The following PRPF39 variants were observed in gnomAD, a reference collection of about 807,000 sequenced individuals.
The protein encoded by PRPF39 is pre-mRNA processing factor 39.
In PRPF39, 27 loss-of-function variants were observed where a neutral mutation model predicts 82.1. The ratio of observed to expected loss-of-function variants is 0.33; its 90% CI spans 0.24 to 0.45. The LOEUF (loss-of-function observed/expected upper bound fraction) is 0.45, where lower values mean the gene tolerates loss of function less well. Ranked by LOEUF, PRPF39 falls within the 20% of genes least tolerant of loss-of-function variation. The pLI is 1.00. For missense variants in PRPF39, 581 were observed against 796.9 expected, an observed-to-expected ratio of 0.73 and a Z score of 3.26; for synonymous variants, 261 against 256.4, an observed-to-expected ratio of 1.02 and a Z score of -0.17.
intron 1 of PRPF39, among the ~76,000 whole-genome samples, chr14:45,092,207 T>C (rs1392364760): frequency 1.3e-5 from 2 of 152,178 alleles, no homozygotes; most frequent in Non-Finnish European, 2.9e-5. Context: ...TTGAATGAAA[T>C]CAGTATTTTA....
Position 45,110,697 on chromosome 14 carries a change from T to A in PRPF39, c.1452T>A (p.Asn484Lys), listed in dbSNP as rs1884672549. 3 of 1,571,610 alleles carry A rather than the reference T, an allele frequency of 1.9e-6. No individual in the cohort carries two copies. The highest frequency in any genetic ancestry group is 1.9e-5 in the Admixed American group (1 of 53,560). ...AEHLLQDAIKNAKSNNESSFY... is the reference protein window; with the variant it reads ...AEHLLQDAIKKAKSNNESSFY... ...ATTTGCTTCAGGATGCCATTAAGAA[T>A]GCCAAATCAAATAATGAATCTTCAT... is the stretch of plus-strand genomic sequence containing the variant. Residue 484 changes from asparagine (N) to lysine (K), a missense_variant, in exon 10 of 14, where the codon AAT becomes AAA. Asn to Lys is a moderately conservative substitution (Grantham distance 94). Coordinates refer to ENST00000355765, the MANE Select transcript of PRPF39 (RefSeq NM_017922.4). This position sits in a 1 kb window ranked among gnomAD's most constrained non-coding sequence, Gnocchi z 4.0.
intron 4 of PRPF39, among the ~76,000 whole-genome samples, chr14:45,098,669 A>T (rs2139048264): frequency 6.6e-6 from 1 of 152,296 alleles, no homozygotes; most frequent in East Asian, 1.9e-4. Context: ...CTGTTAAAAA[A>T]TGTGTAAGTC....
chr14:45,113,402 A>G (rs1037285377), intron 11 of PRPF39, among the ~76,000 whole-genome samples: 13 of 152,194 alleles, frequency 8.5e-5, no homozygotes, highest in Non-Finnish European at 1.9e-4. Context: ...CTCTTAATAG[A>G]TGAGAGGATT....
Position 45,116,208 on chromosome 14 carries a change from T to G in PRPF39, c.*1295T>G. ...TGAAGCACTGCTATTTCAATCAATA[T>G]CCACTAATTCCACTTCAAAAGTGAG... is the stretch of plus-strand genomic sequence containing the variant. On this transcript the variant is annotated 3_prime_UTR_variant, in exon 14 of 14. Transcript: ENST00000355765. 1 of 1,610,426 alleles carries G rather than the reference T, an allele frequency of 6.2e-7. No homozygotes were observed. The highest frequency in any genetic ancestry group is 8.5e-7 in the Non-Finnish European group (1 of 1,176,766).
At chr14:45,114,380 A>G in intron 12 of PRPF39, 114 bp from the exon 13 acceptor site, 2 of 1,341,266 alleles carry the variant, frequency 1.5e-6, no homozygotes, top group Non-Finnish European at 2.0e-6. Context: ...GATTTGAAAA[A>G]GTCTTGAGTG....
chr14:45,098,358 G>C (rs1044117036), intron 4 of PRPF39, among the ~76,000 whole-genome samples: 2 of 151,562 alleles, frequency 1.3e-5, no homozygotes, highest in Non-Finnish European at 2.9e-5. Context: ...CAAGAGAATC[G>C]CTTGAACCTG....
intron 7 of PRPF39, among the ~76,000 whole-genome samples, chr14:45,108,893 G>T (rs1884619231): frequency 6.6e-6 from 1 of 151,416 alleles, no homozygotes; most frequent in East Asian, 1.9e-4. Context: ...GGTTTTTTTT[G>T]ACTGCTTTAC....
At chr14:45,105,675 C>T (rs756727506) in intron 5 of PRPF39, among the ~76,000 whole-genome samples, 5 of 151,530 alleles carry the variant, frequency 3.3e-5, no homozygotes, top group African/African-American at 7.3e-5. Context: ...TACAGGTGCC[C>T]GCCCCGACAC....
In PRPF39 at chr14:45,115,915, T is replaced by A; in HGVS notation, c.*1002T>A. On this transcript the variant is annotated 3_prime_UTR_variant, in exon 14 of 14. Coordinates refer to ENST00000355765, the MANE Select transcript of PRPF39 (RefSeq NM_017922.4). ...ATCACAGTCAGATCAAGACAGTGGATCAATTTTTATTGAGCCACTTAAGTT... is the reference window on the plus strand; with the variant it reads ...ATCACAGTCAGATCAAGACAGTGGAACAATTTTTATTGAGCCACTTAAGTT... 1 of 352,448 alleles carries A rather than the reference T, an allele frequency of 2.8e-6. No homozygotes were observed. The highest frequency in any genetic ancestry group is 5.4e-6 in the Non-Finnish European group (1 of 185,726). The allele number at this position is 352,448 out of a possible 1,614,324, so 21.8% of individuals were successfully genotyped here. A position where few individuals can be genotyped will look rare whatever the true frequency, so the allele number is the denominator to read the frequency against.
chr14:45,108,315 A>G (rs1884601866), intron 6 of PRPF39, 100 bp from the exon 7 acceptor site: 2 of 1,309,724 alleles, frequency 1.5e-6, no homozygotes, highest in Non-Finnish European at 2.0e-6. Context: ...CTATTCTAAG[A>G]CTAAAATATC....
intron 6 of PRPF39, among the ~76,000 whole-genome samples, chr14:45,107,995 A>G (rs1290813216): frequency 6.6e-6 from 1 of 152,138 alleles, no homozygotes; most frequent in East Asian, 1.9e-4. Context: ...CATGAGTGGC[A>G]CAGTGATCAC....
chr14:45,086,698 G>A (rs1302182086), intron 1 of PRPF39, among the ~76,000 whole-genome samples: 1 of 152,132 alleles, frequency 6.6e-6, no homozygotes, highest in African/African-American at 2.4e-5. Flanking sequence ...TATTATTTCA[G>A]GTTCAAGGGG....
intron 11 of PRPF39, 109 bp from the exon 12 acceptor site, chr14:45,114,074 A>G (rs1197218428): frequency 1.4e-5 from 10 of 728,972 alleles, no homozygotes; most frequent in Non-Finnish European, 2.2e-5. Flanking sequence ...AAAATAAAGG[A>G]GCCGCTTAGA....
chr14:45,099,219 A>C (rs745654855), intron 4 of PRPF39, among the ~76,000 whole-genome samples: 1 of 152,000 alleles, frequency 6.6e-6, no homozygotes, highest in Non-Finnish European at 1.5e-5. Context: ...CTGAGATTCT[A>C]ATGTCCTTCT....
chr14:45,110,473 T>C lies in PRPF39; in HGVS notation c.1304-76T>C. 7.1e-7 allele frequency: 1 copy of C among 1,416,026 alleles called. No individual in the cohort carries two copies. Among genetic ancestry groups the C allele is most frequent in the Non-Finnish European group, 9.6e-7 (1 of 1,044,624 alleles). The allele number at this position is 1,416,026 out of a possible 1,614,324, so 87.7% of individuals were successfully genotyped here. A position where few individuals can be genotyped will look rare whatever the true frequency, so the allele number is the denominator to read the frequency against. On this transcript the variant is annotated intron_variant, in intron 9 of 13. Coordinates refer to ENST00000355765, the MANE Select transcript of PRPF39 (RefSeq NM_017922.4). This position sits in a 1 kb window ranked among gnomAD's most constrained non-coding sequence, Gnocchi z 4.0. ...GTTGCTGGATTTAGCCCATGGGTGA[T>C]TGTTGCCAGTATCTGGTTATAAACG...
intron 1 of PRPF39, chr14:45,088,138 T>G (rs914053420): frequency 6.5e-6 from 1 of 154,024 alleles, no homozygotes; most frequent in African/African-American, 2.4e-5. Context: ...AAATGTGTTA[T>G]GTGCTATGGA....
chr14:45,097,000 A>G lies in PRPF39; in HGVS notation c.564A>G (p.Ile188Met), dbSNP rs781058480. 15 of 1,536,422 alleles carry G rather than the reference A, an allele frequency of 9.8e-6. No individual in the cohort carries two copies. Among genetic ancestry groups the G allele is most frequent in the African/African-American group, 1.4e-5 (1 of 71,910 alleles). ...DPGDPETNNTIRGTFEHAVLA... is the reference protein window; with the variant it reads ...DPGDPETNNTMRGTFEHAVLA... Reference sequence around the variant, plus strand: ...GTGATCCTGAGACAAACAATACAATAAGAGGGTATGTGGAACATTGATACT... The same window carrying G: ...GTGATCCTGAGACAAACAATACAATGAGAGGGTATGTGGAACATTGATACT... The change falls in exon 4 of 14, where the codon ATA (isoleucine) becomes ATG (methionine). Residue 188 changes from isoleucine to methionine, a missense_variant. By Grantham distance (10) the Ile-to-Met change is conservative. Transcript: ENST00000355765.
In PRPF39 at chr14:45,102,636, C is replaced by G; in HGVS notation, c.677C>G (p.Thr226Arg). 6.2e-7 allele frequency: 1 copy of G among 1,611,864 alleles called. No individual in the cohort carries two copies. The highest frequency in any genetic ancestry group is 2.2e-5 in the East Asian group (1 of 44,710). ...ENEQGNLREV[T>R]AIYDRILGIP... ...GAGCAGGGAAACCTGAGAGAAGTTA[C>G]AGCTATATATGATCGTATTCTTGGT... is the stretch of plus-strand genomic sequence containing the variant. Residue 226 changes from threonine to arginine, a missense_variant, in exon 5 of 14, where the codon ACA (threonine) becomes AGA (arginine). Physicochemically the swap from Thr to Arg is moderately conservative, Grantham distance 71. Transcript: ENST00000355765.
In PRPF39 at chr14:45,114,093, T is replaced by G; in HGVS notation, c.1758-90T>G. ...TAAAGGAGCCGCTTAGAAATTTTCTTAGGCAGTTTCCTAAGTAAAAACAAC... is the reference window on the plus strand; with the variant it reads ...TAAAGGAGCCGCTTAGAAATTTTCTGAGGCAGTTTCCTAAGTAAAAACAAC... On this transcript the variant is annotated intron_variant, in intron 11 of 13. Transcript: ENST00000355765. The G allele has an allele frequency of 4.2e-6, 4 of 948,528 alleles. No individual in the cohort carries two copies. In the East Asian group the frequency reaches 1.1e-4, roughly 27 times the overall value. 58.8% of individuals were successfully genotyped at this position (948,528 alleles called of 1,614,324 possible). A position where few individuals can be genotyped will look rare whatever the true frequency, so the allele number is the denominator to read the frequency against.
Sources: allele counts gnomAD v4.1 joint callset (sites outside exome capture counted in the v4.1 genomes callset), GRCh38; gene constraint gnomAD v4.1.1; non-coding constraint Gnocchi (gnomAD v3.1); transcripts MANE v1.5; gene names NCBI Gene and HGNC (gene_info 2026-07-23, HGNC 2026-07-21).